Variants in SLC1A2 observed in about 807,000 individuals in gnomAD.
The protein encoded by SLC1A2 is solute carrier family 1 member 2, also known as excitatory amino acid transporter 2.
A neutral mutation model predicts 48.8 loss-of-function variants in SLC1A2; 15 were observed. The ratio of observed to expected loss-of-function variants is 0.31; its 90% CI spans 0.21 to 0.47. The LOEUF (loss-of-function observed/expected upper bound fraction) is 0.47, where lower values mean the gene tolerates loss of function less well. Ranked by LOEUF, SLC1A2 falls within the 20% of genes least tolerant of loss-of-function variation. SLC1A2 has a pLI of 0.99. For missense variants in SLC1A2, 502 were observed against 730.5 expected, an observed-to-expected ratio of 0.69 and a Z score of 3.61; for synonymous variants, 279 against 272.6, an observed-to-expected ratio of 1.02 and a Z score of -0.23.
chr11:35,402,764 C>G (rs1855173078), intron 1 of SLC1A2, among the ~76,000 whole-genome samples: 1 of 152,178 alleles, frequency 6.6e-6, no homozygotes, highest in African/African-American at 2.4e-5. Context: ...AACTGACTTG[C>G]AGGACACCTG....
intron 1 of SLC1A2, among the ~76,000 whole-genome samples, chr11:35,376,383 T>C (rs982625501): frequency 6.6e-6 from 1 of 152,310 alleles, no homozygotes; most frequent in African/African-American, 2.4e-5. Context: ...CTAGCAATTG[T>C]TGCAAAGTTA....
intron 10 of SLC1A2, among the ~76,000 whole-genome samples, chr11:35,263,747 T>C (rs962899815): frequency 2.6e-5 from 4 of 152,248 alleles, no homozygotes; most frequent in African/African-American, 9.6e-5. Context: ...GTTCAAGTCT[T>C]ATCATCATTA....
chr11:35,331,409 C>G (rs955837860), intron 1 of SLC1A2, among the ~76,000 whole-genome samples: 9 of 152,168 alleles, frequency 5.9e-5, no homozygotes, highest in Non-Finnish European at 1.3e-4. Context: ...ACATCCAGTC[C>G]CTGTTGATCC....
chr11:35,380,929 A>C (rs1854401268), intron 1 of SLC1A2, among the ~76,000 whole-genome samples: 1 of 152,246 alleles, frequency 6.6e-6, no homozygotes, highest in African/African-American at 2.4e-5. Flanking sequence ...AGAAGACAAC[A>C]TCTGACAAAA....
chr11:35,309,552 T>C (rs1851621974), intron 4 of SLC1A2, among the ~76,000 whole-genome samples: 1 of 152,176 alleles, frequency 6.6e-6, no homozygotes, highest in South Asian at 2.1e-4. Context: ...GGGACTTAAC[T>C]TGGGCAAACC....
At chr11:35,357,855 AG>A (rs1449683067) in intron 1 of SLC1A2, among the ~76,000 whole-genome samples, 1 of 152,126 alleles carries the variant, frequency 6.6e-6, no homozygotes, top group East Asian at 1.9e-4. Context: ...CTTTAAAAAA[AG>A]GGGGGAAAGG....
intron 1 of SLC1A2, among the ~76,000 whole-genome samples, chr11:35,378,776 T>C (rs1047629182): frequency 6.6e-6 from 1 of 152,218 alleles, no homozygotes; most frequent in Non-Finnish European, 1.5e-5. Flanking sequence ...TTAAGCTCTA[T>C]GAATAGTTGT....
At chr11:35,293,875 A>G (rs1434417509) in intron 6 of SLC1A2, among the ~76,000 whole-genome samples, 2 of 152,222 alleles carry the variant, frequency 1.3e-5, no homozygotes, top group Non-Finnish European at 2.9e-5. Flanking sequence ...CTTATTAGTT[A>G]TTAATATGTG....
In SLC1A2 at chr11:35,280,976, C is replaced by T. The variant is rs764182501; in HGVS notation, c.1312G>A (p.Gly438Ser). ...VSLTATLASVGAASIPSAGLV... is the reference protein window; with the variant it reads ...VSLTATLASVSAASIPSAGLV... ...CCGGCACTGGGGATACTGGCCGCGC[C>T]GACGCTTGCCAGGGTGGCTGTGAGG... The change falls in exon 9 of 11, where the codon GGC becomes AGC. Residue 438 changes from glycine (G) to serine (S), a missense_variant. Physicochemically the swap from Gly to Ser is moderately conservative, Grantham distance 56. This residue lies in a region of SLC1A2 where 309 missense variants were observed against 480.3 expected (regional missense o/e 0.64). Transcript: ENST00000278379. 16 of 1,610,590 alleles carry T rather than the reference C, an allele frequency of 9.9e-6. No individual in the cohort carries two copies. Among genetic ancestry groups the T allele is most frequent in the East Asian group, 2.2e-5 (1 of 44,470 alleles).
In SLC1A2 at chr11:35,311,204, C is replaced by T. The variant is rs1007767944; in HGVS notation, c.561+994G>A. Reference sequence around the variant, plus strand: ...TTTTTGAGACAGTATGTCACTCCGTCTCCCAGGCTGGAGTGCAGTGGCTCT... The same window carrying T: ...TTTTTGAGACAGTATGTCACTCCGTTTCCCAGGCTGGAGTGCAGTGGCTCT... On this transcript the variant is annotated intron_variant, in intron 4 of 10. Coordinates refer to ENST00000278379, the MANE Select transcript of SLC1A2 (RefSeq NM_004171.4). 2.6e-5 allele frequency among the ~76,000 whole-genome samples: 4 copies of T among 152,172 alleles called. No homozygotes were observed. In the East Asian group the frequency reaches 5.8e-4, roughly 22 times the overall value.
At chr11:35,351,013 C>A (rs896492536) in intron 1 of SLC1A2, among the ~76,000 whole-genome samples, 19 of 152,192 alleles carry the variant, frequency 1.2e-4, no homozygotes, top group African/African-American at 4.6e-4. Flanking sequence ...TATCCTCATC[C>A]AATAGAATCA....
chr11:35,396,652 C>A (rs539135262), intron 1 of SLC1A2, among the ~76,000 whole-genome samples: 7 of 152,212 alleles, frequency 4.6e-5, no homozygotes, highest in South Asian at 4.1e-4. Context: ...ATGGTAGTTT[C>A]TTTTGCTGTG....
intron 10 of SLC1A2, chr11:35,265,220 C>T (rs12271153): frequency 0.015 from 6,451 of 443,752 alleles, 236 homozygotes; most frequent in East Asian, 0.11. Flanking sequence ...AATTCTTGGG[C>T]GAAATATTCA....
Position 35,327,887 on chromosome 11 carries a change from C to T in SLC1A2, c.18-10371G>A, listed in dbSNP as rs141995255. 5.3e-3 allele frequency among the ~76,000 whole-genome samples: 805 copies of T among 152,212 alleles called. 6 individuals are homozygous for T. The highest frequency in any genetic ancestry group is 0.018 in the African/African-American group (757 of 41,522). ...AAAGTTAAACCTGTGCTGTCCTTTG[C>T]CTTTGAGTCCAGTGTTTTATGGGTA... On this transcript the variant is annotated intron_variant, in intron 1 of 10. Transcript: ENST00000278379.
chr11:35,388,943 C>G (rs1203210592), intron 1 of SLC1A2, among the ~76,000 whole-genome samples: 1 of 152,082 alleles, frequency 6.6e-6, no homozygotes, highest in African/African-American at 2.4e-5. Flanking sequence ...CCGGGGACTC[C>G]AAAAGGGGCT....
intron 10 of SLC1A2, among the ~76,000 whole-genome samples, chr11:35,262,220 G>A (rs544531039): frequency 5.9e-4 from 90 of 152,338 alleles, no homozygotes; most frequent in African/African-American, 2.0e-3. Flanking sequence ...AACCTTGAAT[G>A]TGCCTATTTG....
At chr11:35,281,372 T>C (rs1850628467) in intron 8 of SLC1A2, among the ~76,000 whole-genome samples, 1 of 152,166 alleles carries the variant, frequency 6.6e-6, no homozygotes, top group Non-Finnish European at 1.5e-5. Flanking sequence ...GGAACACAAC[T>C]GCATTCATTT....
At chr11:35,379,462 C>A (rs972388461) in intron 1 of SLC1A2, among the ~76,000 whole-genome samples, 1 of 152,198 alleles carries the variant, frequency 6.6e-6, no homozygotes, top group African/African-American at 2.4e-5. Context: ...CAAACTCCCA[C>A]CCACAAAGAA....
At chr11:35,332,904 T>C (rs1406854831) in intron 1 of SLC1A2, among the ~76,000 whole-genome samples, 1 of 152,212 alleles carries the variant, frequency 6.6e-6, no homozygotes, top group Non-Finnish European at 1.5e-5. Context: ...CTCCCCATAC[T>C]CTTCAGAGTC....
Sources: gnomAD v4.1 joint callset for allele counts (sites outside exome capture counted in the v4.1 genomes callset) on GRCh38, gnomAD v4.1.1 for gene constraint, gnomAD v4.1.1 regional missense constraint, MANE v1.5 for transcripts, NCBI Gene and HGNC (gene_info 2026-07-23, HGNC 2026-07-21) for gene names.